The following GRK7 variants were observed in gnomAD, a reference collection of about 807,000 sequenced individuals.
GRK7 encodes the protein rhodopsin kinase GRK7.
GRK7 carries 24 observed loss-of-function variants against 34.1 expected under a neutral mutation model. The observed-to-expected ratio is 0.70, with a 90% CI of 0.51 to 0.99. The LOEUF is 0.99. GRK7 is among the 50% of genes least tolerant of loss of function. GRK7 has a pLI of 0.00. For missense variants in GRK7, 644 were observed against 707.3 expected, an observed-to-expected ratio of 0.91 and a Z score of 1.02; for synonymous variants, 256 against 279.4, an observed-to-expected ratio of 0.92 and a Z score of 0.84.
rs942922975 is a variant in GRK7 at position 141,818,843 on chromosome 3, A to G, written c.*1793A>G. Among the ~76,000 whole-genome samples, 1 of 152,204 alleles carries G rather than the reference A, an allele frequency of 6.6e-6. No individual in the cohort carries two copies. The highest frequency in any genetic ancestry group is 2.4e-5 in the African/African-American group (1 of 41,452). On this transcript the variant is annotated 3_prime_UTR_variant, in exon 6 of 6. Transcript: ENST00000682958. The stretch of plus-strand genomic sequence containing the variant: ...TAACTGGAATCTGAATAACAGTAAT[A>G]CTCATCTACAAGACAGCATTAACCA...
rs118126922 is a variant in GRK7 at position 141,764,063 on chromosome 3, C to T, written c.-1890C>T. ...CTTTGAGTCTCATGTGACTGGACTC[C>T]AGCAGTCACTGTGTCTTCTTGCAGC... On this transcript the variant is annotated 5_prime_UTR_variant, in exon 1 of 6. Coordinates refer to ENST00000682958, the MANE Select transcript of GRK7 (RefSeq NM_139209.3). Among the ~76,000 whole-genome samples, 141 of 152,288 alleles carry T rather than the reference C, an allele frequency of 9.3e-4. 1 individual carries two copies. In the East Asian group the frequency reaches 0.017, roughly 18 times the overall value.
chr3:141,805,308 G>A (rs915067024), intron 4 of GRK7, among the ~76,000 whole-genome samples: 1 of 152,166 alleles, frequency 6.6e-6, no homozygotes, highest in East Asian at 1.9e-4. Context: ...TGTTTTCTGC[G>A]TAGTGAATGG....
rs76207082 is a variant in GRK7, at chr3:141,804,488, C to G, written c.1051-3157C>G. ...TACCTGGATAGCCTTCTAGGTGTTT[C>G]CCTCATATTCAGCCAGCTGTGGCTC... On this transcript the variant is annotated intron_variant, in intron 4 of 5. Coordinates refer to ENST00000682958, the MANE Select transcript of GRK7 (RefSeq NM_139209.3). Among the ~76,000 whole-genome samples, 7 of 152,156 alleles carry G rather than the reference C, an allele frequency of 4.6e-5. No homozygotes were observed. In the South Asian group the frequency reaches 6.2e-4, roughly 14 times the overall value.
At chr3:141,789,663 A>AAAAAAAAAAAAAAAAAAAAAAAAAC (rs796539386) in intron 4 of GRK7, among the ~76,000 whole-genome samples, 69 of 146,666 alleles carry the variant, frequency 4.7e-4, no homozygotes, top group South Asian at 1.3e-3. Flanking sequence ...GGGCAAAAAA[A>AAAAAAAAAAAAAAAAAAAAAAAAAC]AAAAAAACAC....
chr3:141,779,263 C>G (rs2084658563), intron 3 of GRK7, among the ~76,000 whole-genome samples: 2 of 151,968 alleles, frequency 1.3e-5, no homozygotes, highest in African/African-American at 4.8e-5. Flanking sequence ...TAAGAAAATA[C>G]TCTAACTAGC....
intron 1 of GRK7, among the ~76,000 whole-genome samples, chr3:141,772,391 C>G (rs2084620881): frequency 6.6e-6 from 1 of 152,220 alleles, no homozygotes; most frequent in Admixed American, 6.6e-5. Context: ...CTGTGTCCGG[C>G]CTTTTTGGGT....
In GRK7 at chr3:141,784,184, T is replaced by C. The variant is rs533533357; in HGVS notation, c.1050+3373T>C. ...GCCATTTGGAAGGACAGCTCCTTCC[T>C]TGGCTCCCGGGTGCAGCTCTCTGGC... On this transcript the variant is annotated intron_variant, in intron 4 of 5. Transcript: ENST00000682958. 9.8e-5 allele frequency among the ~76,000 whole-genome samples: 15 copies of C among 152,316 alleles called. 1 individual carries two copies. The highest frequency in any genetic ancestry group is 3.6e-4 in the African/African-American group (15 of 41,568).
At chr3:141,775,883 A>G (rs1437616519) in intron 2 of GRK7, among the ~76,000 whole-genome samples, 1 of 152,026 alleles carries the variant, frequency 6.6e-6, no homozygotes, top group Non-Finnish European at 1.5e-5. Flanking sequence ...GGGTTAAGTG[A>G]TTACTTAGGG....
At chr3:141,789,441 A>G (rs1367287811) in intron 4 of GRK7, among the ~76,000 whole-genome samples, 1 of 152,200 alleles carries the variant, frequency 6.6e-6, no homozygotes, top group Non-Finnish European at 1.5e-5. Context: ...TTCTTTATGA[A>G]TAGTTCCTTC....
At chr3:141,770,994 C>CAAAAAAAAAAAAAAA (rs55988355) in intron 1 of GRK7, among the ~76,000 whole-genome samples, 2 of 84,768 alleles carry the variant, frequency 2.4e-5, no homozygotes, top group Non-Finnish European at 2.3e-5. Flanking sequence ...TACCCAGTCT[C>CAAAAAAAAAAAAAAA]AAAAAAAAAA....
At chr3:141,780,935 G>T in intron 4 of GRK7, 124 bp downstream of exon 4, 3 of 814,034 alleles carry the variant, frequency 3.7e-6, no homozygotes, top group African/African-American at 1.7e-5. Context: ...TTCCTAAAGC[G>T]CTTACGTTGT....
At chr3:141,775,935 A>T (rs1459685695) in intron 2 of GRK7, among the ~76,000 whole-genome samples, 4 of 152,146 alleles carry the variant, frequency 2.6e-5, no homozygotes, top group Non-Finnish European at 4.4e-5. Flanking sequence ...AGCAGTTCAT[A>T]GCATACGTGT....
upstream of GRK7, among the ~76,000 whole-genome samples, chr3:141,759,446 G>T (rs2084545544): frequency 7.8e-6 from 1 of 127,766 alleles, no homozygotes; most frequent in Non-Finnish European, 1.6e-5. Context: ...CTGTTTATAT[G>T]CTGGATTACA....
At chr3:141,776,682 T>C (rs1327806234) in intron 2 of GRK7, among the ~76,000 whole-genome samples, 7 of 152,220 alleles carry the variant, frequency 4.6e-5, no homozygotes, top group Non-Finnish European at 8.8e-5. Context: ...GTATGTGCTC[T>C]AGGGGAACAG....
chr3:141,815,877 C>T (rs1288413389), intron 5 of GRK7, among the ~76,000 whole-genome samples: 6 of 152,104 alleles, frequency 3.9e-5, no homozygotes, highest in Non-Finnish European at 7.3e-5. Flanking sequence ...TCAGATGAGA[C>T]CACAGTCTCA....
At chr3:141,803,039 G>A (rs950035679) in intron 4 of GRK7, among the ~76,000 whole-genome samples, 10 of 152,034 alleles carry the variant, frequency 6.6e-5, no homozygotes, top group African/African-American at 1.9e-4. Context: ...AATTTCACAC[G>A]AGCACCTTTG....
intron 4 of GRK7, among the ~76,000 whole-genome samples, chr3:141,793,995 G>A (rs2084737899): frequency 6.6e-6 from 1 of 152,150 alleles, no homozygotes; most frequent in Non-Finnish European, 1.5e-5. Flanking sequence ...GAGGAAGCAT[G>A]TGCCTGACCC....
At chr3:141,809,134 G>A (rs1190379161) in intron 5 of GRK7, among the ~76,000 whole-genome samples, 4 of 150,632 alleles carry the variant, frequency 2.7e-5, no homozygotes, top group Admixed American at 1.3e-4. Context: ...CCCAGGAGGC[G>A]GAGGTTGCAG....
intron 5 of GRK7, among the ~76,000 whole-genome samples, chr3:141,812,748 G>A (rs573614820): frequency 1.8e-4 from 28 of 152,302 alleles, no homozygotes; most frequent in South Asian, 6.2e-4. Context: ...TGTGAGAACT[G>A]TTCATCCTGA....
Sources: allele counts gnomAD v4.1 joint callset (sites outside exome capture counted in the v4.1 genomes callset), GRCh38; gene constraint gnomAD v4.1.1; transcripts MANE v1.5; gene names NCBI Gene and HGNC (gene_info 2026-07-23, HGNC 2026-07-21).